The following LMO3 variants were observed in gnomAD, a reference collection of about 807,000 sequenced individuals.
The protein encoded by LMO3 is LIM domain only 3, also known as LIM domain only protein 3.
A neutral mutation model predicts 15.8 loss-of-function variants in LMO3; 2 were observed. That is an observed-to-expected ratio of 0.13 (90% CI 0.05 to 0.40). The LOEUF is 0.40. Ranked by LOEUF, LMO3 falls within the 10% of genes least tolerant of loss-of-function variation. LMO3 has a pLI of 0.99. For synonymous variants in LMO3, 62 were observed against 63.8 expected, an observed-to-expected ratio of 0.97 and a Z score of 0.13; for missense variants, 86 against 182.2, an observed-to-expected ratio of 0.47 and a Z score of 3.04.
chr12:16,562,603 A>C (rs1407740787), intron 2 of LMO3, among the ~76,000 whole-genome samples: 5 of 152,212 alleles, frequency 3.3e-5, no homozygotes, highest in Non-Finnish European at 7.3e-5. Context: ...TACATTAACC[A>C]CTGGGACCTG....
intron 2 of LMO3, among the ~76,000 whole-genome samples, chr12:16,579,391 T>G (rs1223546599): frequency 1.3e-5 from 2 of 152,184 alleles, no homozygotes; most frequent in South Asian, 4.1e-4. Flanking sequence ...ATGCCACTGA[T>G]GAGAAACAAT....
rs1012820799 is a variant in LMO3, at chr12:16,554,312, C to T, written c.333-2985G>A. On this transcript the variant is annotated intron_variant, in intron 3 of 3. Transcript: ENST00000537304. Reference sequence around the variant, plus strand: ...AAATGTTAGCCTAGCCATCTTCTTTCCCTAATGTTAGTGACTGACAATTAT... The same window carrying T: ...AAATGTTAGCCTAGCCATCTTCTTTTCCTAATGTTAGTGACTGACAATTAT... 7.9e-5 allele frequency among the ~76,000 whole-genome samples: 12 copies of T among 152,194 alleles called. 1 individual carries two copies. Among genetic ancestry groups the T allele is most frequent in the African/African-American group, 2.9e-4 (12 of 41,434 alleles).
chr12:16,609,735 T>C (rs1382529682), upstream of LMO3: 2 of 151,928 alleles, frequency 1.3e-5, no homozygotes, highest in Non-Finnish European at 2.9e-5. Flanking sequence ...ACTACTTACC[T>C]TTGCCCAAAG....
rs1943760518 is a variant in LMO3 at position 16,599,626 on chromosome 12, T to C, written c.206+1029A>G. The C allele has an allele frequency of 6.6e-6, 1 of 152,214 alleles. No individual in the cohort carries two copies. The highest frequency in any genetic ancestry group is 6.5e-5 in the Admixed American group (1 of 15,280). The allele number at this position is 152,214 out of a possible 1,614,324, so 9.4% of individuals were successfully genotyped here. A position where few individuals can be genotyped will look rare whatever the true frequency, so the allele number is the denominator to read the frequency against. On this transcript the variant is annotated intron_variant, in intron 2 of 3. Coordinates refer to ENST00000537304, the MANE Select transcript of LMO3 (RefSeq NM_018640.5). This position sits in a 1 kb window ranked among gnomAD's most constrained non-coding sequence, Gnocchi z 4.1. ...GAAAAATGATAAATTGTATTAAATA[T>C]GAAAATCCCAATGATGCCATATATC...
In LMO3 at chr12:16,551,321, A is replaced by C; in HGVS notation, c.339T>G (p.Cys113Trp). The change falls in exon 4 of 4, where the codon TGT (cysteine) becomes TGG (tryptophan). Residue 113 changes from cysteine to tryptophan, a missense_variant. Physicochemically the swap from Cys to Trp is radical, Grantham distance 215 (BLOSUM62 -2). This residue lies in a region of LMO3 where 51 missense variants were observed against 140.3 expected (regional missense o/e 0.36). Transcript: ENST00000537304. ...FACQLCNQRF[C>W]VGDKFFLKNN... ...TCTTTAGGAAAAATTTGTCTCCAACACAAAATCTGAAAATATTTTAAACAA... is the reference window on the plus strand; with the variant it reads ...TCTTTAGGAAAAATTTGTCTCCAACCCAAAATCTGAAAATATTTTAAACAA... The C allele has an allele frequency of 6.3e-7, 1 of 1,580,530 alleles. No homozygotes were observed. The highest frequency in any genetic ancestry group is 1.3e-5 in the African/African-American group (1 of 74,396).
At position 16,604,897 on chromosome 12, in the gene LMO3, C is replaced by CTCCTTT. The variant is rs1943937462; in HGVS notation, c.-9+1168_-9+1169insAAAGGA. The CTCCTTT allele has an allele frequency of 6.3e-7, 1 of 1,598,444 alleles. No homozygotes were observed. The highest frequency in any genetic ancestry group is 8.5e-7 in the Non-Finnish European group (1 of 1,179,798). ...TTTCTCCTTTTTCTGCATGAGTTGA[C>CTCCTTT]TTAGGCGTGTCTGAGTTGCAGCAGC... On this transcript the variant is annotated intron_variant, in intron 1 of 3. Transcript: ENST00000537304. This position sits in a 1 kb window ranked among gnomAD's most constrained non-coding sequence, Gnocchi z 5.3.
Position 16,587,875 on chromosome 12 carries a change from A to C in LMO3, c.206+12780T>G, listed in dbSNP as rs1252793253. On this transcript the variant is annotated intron_variant, in intron 2 of 3. Transcript: ENST00000537304. The surrounding 1 kb of genome is among the most constrained non-coding windows in gnomAD (Gnocchi z 4.3). ...CTGCCAGTAGCTATGGTATAGTGTT[A>C]GAAAAAGTCCACAAGCATTGCTACA... is the stretch of plus-strand genomic sequence containing the variant. Among the ~76,000 whole-genome samples, 2 of 152,154 alleles carry C rather than the reference A, an allele frequency of 1.3e-5. No individual in the cohort carries two copies. The highest frequency in any genetic ancestry group is 2.9e-5 in the Non-Finnish European group (2 of 68,020).
chr12:16,581,842 C>G (rs1427535671), intron 2 of LMO3, among the ~76,000 whole-genome samples: 1 of 152,006 alleles, frequency 6.6e-6, no homozygotes, highest in Admixed American at 6.6e-5. Flanking sequence ...ATATTCCTAA[C>G]AAGCTATTTT....
At position 16,559,203 on chromosome 12, in the gene LMO3, A is replaced by G. The variant is rs1434790177; in HGVS notation, c.332+1210T>C. On this transcript the variant is annotated intron_variant, in intron 3 of 3. Coordinates refer to ENST00000537304, the MANE Select transcript of LMO3 (RefSeq NM_018640.5). The surrounding 1 kb of genome is among the most constrained non-coding windows in gnomAD (Gnocchi z 4.1). ...AGTGAATTCATTTTCATTAAAATCT[A>G]TCAAGTGTTCTAATTTTTGAAATGT... Among the ~76,000 whole-genome samples the G allele has an allele frequency of 2.6e-5, 4 of 152,334 alleles. No homozygotes were observed. The highest frequency in any genetic ancestry group is 4.8e-5 in the African/African-American group (2 of 41,596).
intron 2 of LMO3, among the ~76,000 whole-genome samples, chr12:16,566,247 G>C (rs1296888935): frequency 1.3e-5 from 2 of 151,384 alleles, no homozygotes; most frequent in African/African-American, 2.4e-5. Flanking sequence ...CTGGGAAAGG[G>C]AGCAGAGAGG....
At chr12:16,588,321 G>A (rs1943385567) in intron 2 of LMO3, among the ~76,000 whole-genome samples, 1 of 151,818 alleles carries the variant, frequency 6.6e-6, no homozygotes, top group Non-Finnish European at 1.5e-5. Flanking sequence ...ATTGTTTAAA[G>A]AACACTGTGA....
intron 2 of LMO3, chr12:16,600,428 G>A: frequency 1.9e-6 from 1 of 513,596 alleles, no homozygotes; most frequent in Non-Finnish European, 3.5e-6. Context: ...CTGCCTGAGT[G>A]TGCAGGCAAG....
intron 3 of LMO3, among the ~76,000 whole-genome samples, chr12:16,558,987 A>T (rs1781358561): frequency 6.6e-6 from 1 of 152,172 alleles, no homozygotes; most frequent in African/African-American, 2.4e-5. Flanking sequence ...TATATCAGCT[A>T]ATATATGGTG....
intron 1 of LMO3, chr12:16,601,726 T>C: frequency 6.6e-6 from 1 of 152,296 alleles, no homozygotes; most frequent in South Asian, 2.1e-4. Context: ...ACATGTTATA[T>C]GTATACTATG....
intron 1 of LMO3, among the ~76,000 whole-genome samples, chr12:16,602,797 C>T (rs1804008012): frequency 6.6e-6 from 1 of 152,232 alleles, no homozygotes; most frequent in South Asian, 2.1e-4. Context: ...GATCCAAGTG[C>T]CTGTTAACCA....
intron 3 of LMO3, among the ~76,000 whole-genome samples, chr12:16,558,623 G>A (rs1942278033): frequency 6.6e-6 from 1 of 152,004 alleles, no homozygotes. Flanking sequence ...AACTTACTTT[G>A]ATTCTCAGTA....
chr12:16,556,961 G>C (rs867287944), intron 3 of LMO3, among the ~76,000 whole-genome samples: 48 of 152,102 alleles, frequency 3.2e-4, no homozygotes, highest in African/African-American at 1.0e-3. Flanking sequence ...AATGATACTA[G>C]AATAGTATTT....
intron 2 of LMO3, among the ~76,000 whole-genome samples, chr12:16,569,802 T>C (rs1209363073): frequency 6.6e-6 from 1 of 152,070 alleles, no homozygotes; most frequent in African/African-American, 2.4e-5. Flanking sequence ...ACTAGAGTAT[T>C]AAAAGGGAGA....
rs1376356130 is a variant in LMO3, at chr12:16,598,439, T to C, written c.206+2216A>G. 6.6e-6 allele frequency: 1 copy of C among 152,104 alleles called. No homozygotes were observed. The highest frequency in any genetic ancestry group is 1.5e-5 in the Non-Finnish European group (1 of 67,998). 9.4% of individuals were successfully genotyped at this position (152,104 alleles called of 1,614,324 possible). On this transcript the variant is annotated intron_variant, in intron 2 of 3. Transcript: ENST00000537304. The surrounding 1 kb of genome is among the most constrained non-coding windows in gnomAD (Gnocchi z 4.3). ...TTAACATAACAACTGGCCATTAATG[T>C]GGTAATGACCAATTTAAGCGGAAAT...
Sources: gnomAD v4.1 joint callset for allele counts (sites outside exome capture counted in the v4.1 genomes callset) on GRCh38, gnomAD v4.1.1 for gene constraint, gnomAD v4.1.1 regional missense constraint, Gnocchi (gnomAD v3.1) non-coding constraint, MANE v1.5 for transcripts, NCBI Gene and HGNC (gene_info 2026-07-23, HGNC 2026-07-21) for gene names.